Variants in MDN1 observed in about 807,000 individuals in gnomAD.
MDN1 encodes the protein midasin.
Under a neutral mutation model 669.2 loss-of-function variants are expected in MDN1, and 266 were observed. The ratio of observed to expected loss-of-function variants is 0.40; its 90% CI spans 0.36 to 0.44. MDN1 has a LOEUF of 0.44. Ranked by LOEUF, MDN1 falls within the 20% of genes least tolerant of loss-of-function variation. MDN1 has a pLI of 1.00. For missense variants in MDN1, 5,940 were observed against 6,754.0 expected, an observed-to-expected ratio of 0.88 and a Z score of 4.22; for synonymous variants, 2,385 against 2,457.1, an observed-to-expected ratio of 0.97 and a Z score of 0.87.
chr6:89,746,020 C>T (rs888102817), intron 27 of MDN1, among the ~76,000 whole-genome samples: 2 of 152,200 alleles, frequency 1.3e-5, no homozygotes, highest in African/African-American at 2.4e-5. Context: ...CACATAATGG[C>T]ATGACTGAAT....
chr6:89,670,159 TATATATA>T (rs1224030116), intron 83 of MDN1, among the ~76,000 whole-genome samples: 6 of 25,284 alleles, frequency 2.4e-4, no homozygotes, highest in East Asian at 3.1e-3. Context: ...TATATATATA[TATATATA>T]TATATTTTTT....
chr6:89,713,343 C>A (rs1562127666), intron 46 of MDN1, 47 bp from the exon 47 acceptor site: 1 of 1,504,080 alleles, frequency 6.6e-7, no homozygotes, highest in Non-Finnish European at 9.0e-7. Context: ...TCTTTAAAAT[C>A]TCCAATGAAA....
At chr6:89,800,814 T>C (rs1767603233) in intron 2 of MDN1, among the ~76,000 whole-genome samples, 1 of 152,124 alleles carries the variant, frequency 6.6e-6, no homozygotes, top group Admixed American at 6.6e-5. Flanking sequence ...CTTGTGGGAC[T>C]GAATCTTTAA....
chr6:89,670,166 A>AT (rs1482501704), intron 83 of MDN1, among the ~76,000 whole-genome samples: 1,354 of 17,294 alleles, frequency 0.078, 27 homozygotes, highest in Non-Finnish European at 0.098. Flanking sequence ...ATATATATAT[A>AT]TATATTTTTT....
At chr6:89,799,217 C>T (rs1355439680) in intron 2 of MDN1, among the ~76,000 whole-genome samples, 1 of 152,194 alleles carries the variant, frequency 6.6e-6, no homozygotes, top group Non-Finnish European at 1.5e-5. Context: ...CACAACAATC[C>T]ATCTGCTATT....
intron 2 of MDN1, among the ~76,000 whole-genome samples, chr6:89,801,080 G>C (rs1260606529): frequency 6.6e-6 from 1 of 152,210 alleles, no homozygotes; most frequent in Non-Finnish European, 1.5e-5. Flanking sequence ...TTAGAAATAA[G>C]GTTACACTCT....
At chr6:89,687,297 A>G (rs750596535) in intron 68 of MDN1, 47 bp downstream of exon 68, 2 of 1,531,042 alleles carry the variant, frequency 1.3e-6, no homozygotes, top group Non-Finnish European at 1.8e-6. Context: ...CCAAAAGACA[A>G]AAGCCCTTAC....
chr6:89,719,762 G>T (rs573192853), intron 40 of MDN1, among the ~76,000 whole-genome samples: 1 of 152,296 alleles, frequency 6.6e-6, no homozygotes, highest in South Asian at 2.1e-4. Context: ...CCCATGGTTG[G>T]TGACCGATTT....
At chr6:89,770,909 G>A (rs997785530) in intron 15 of MDN1, among the ~76,000 whole-genome samples, 4 of 152,100 alleles carry the variant, frequency 2.6e-5, no homozygotes, top group Non-Finnish European at 5.9e-5. Flanking sequence ...GAGAACAAGG[G>A]CCTCAAGTGT....
In MDN1 at chr6:89,723,124, A is replaced by G; in HGVS notation, c.5798T>C (p.Val1933Ala). ...TCCTTTTTGCCCCCATTTCTTCTCA[A>G]CAGTCACTTCATGATCAATCTAGAA... ...FNNQIDHEVTVEKKWGQKGGP... is the reference protein window; with the variant it reads ...FNNQIDHEVTAEKKWGQKGGP... Residue 1933 changes from valine to alanine, a missense_variant, in exon 40 of 102, where the codon GTT (valine) becomes GCT (alanine). Val to Ala is a moderately conservative substitution (Grantham distance 64, BLOSUM62 0). Around this residue, in one of 5 missense-constraint regions of MDN1, gnomAD observed 2,292 missense variants for 2,638.3 expected, o/e 0.87. Coordinates refer to ENST00000369393, the MANE Select transcript of MDN1 (RefSeq NM_014611.3). The G allele has an allele frequency of 1.2e-6, 2 of 1,614,046 alleles. No homozygotes were observed. The highest frequency in any genetic ancestry group is 1.7e-6 in the Non-Finnish European group (2 of 1,179,948).
chr6:89,729,678 T>G (rs1215702750), intron 35 of MDN1, among the ~76,000 whole-genome samples: 2 of 62,656 alleles, frequency 3.2e-5, no homozygotes, highest in South Asian at 6.5e-4. Context: ...TTTGTTTTCG[T>G]TTTTTTTTTT....
In MDN1 at chr6:89,723,141, A is replaced by C. The variant is rs777162007; in HGVS notation, c.5781T>G (p.Ile1927Met). 3 of 1,613,808 alleles carry C rather than the reference A, an allele frequency of 1.9e-6. No individual in the cohort carries two copies. In the East Asian group the frequency reaches 6.7e-5, roughly 36 times the overall value. Residue 1927 changes from isoleucine to methionine, a missense_variant and splice_region_variant, in exon 40 of 102, where the codon ATT becomes ATG. Transcript: ENST00000369393. ...TCTTCTCAACAGTCACTTCATGATC[A>C]ATCTAGAAAGAAAACATCCTGATTG... ...VKKMVAFNNQ[I>M]DHEVTVEKKW...
chr6:89,663,357 C>T (rs1273869931), intron 85 of MDN1, among the ~76,000 whole-genome samples: 2 of 152,142 alleles, frequency 1.3e-5, no homozygotes, highest in East Asian at 3.9e-4. Flanking sequence ...TTTTTTCCAA[C>T]ACCTAAAATC....
At chr6:89,800,256 C>T (rs1019931062) in intron 2 of MDN1, among the ~76,000 whole-genome samples, 2 of 151,940 alleles carry the variant, frequency 1.3e-5, no homozygotes, top group African/African-American at 2.4e-5. Flanking sequence ...GGAGAAACCC[C>T]GTCTCTACTA....
chr6:89,651,086 C>T (rs1808821310), intron 95 of MDN1, among the ~76,000 whole-genome samples: 2 of 150,780 alleles, frequency 1.3e-5, no homozygotes, highest in African/African-American at 2.4e-5. Context: ...GAGGCCGAGG[C>T]GGGTGGATCA....
chr6:89,745,515 T>C lies in MDN1; in HGVS notation c.4016A>G (p.Lys1339Arg). 1 of 1,614,132 alleles carries C rather than the reference T, an allele frequency of 6.2e-7. No individual in the cohort carries two copies. The highest frequency in any genetic ancestry group is 8.5e-7 in the Non-Finnish European group (1 of 1,179,998). ...KKLCPQSLFS[K>R]ENVLKLLGKL... Reference sequence around the variant, plus strand: ...ACCCAGCAATTTTAGAACATTTTCTTTGGAGAAAAGAGATTGAGGACACAA... The same window carrying C: ...ACCCAGCAATTTTAGAACATTTTCTCTGGAGAAAAGAGATTGAGGACACAA... The change falls in exon 28 of 102, where the codon AAA becomes AGA. Residue 1339 changes from lysine (K) to arginine (R), a missense_variant. By Grantham distance (26) the Lys-to-Arg change is conservative. Around this residue, in one of 5 missense-constraint regions of MDN1, gnomAD observed 2,292 missense variants for 2,638.3 expected, o/e 0.87. Coordinates refer to ENST00000369393, the MANE Select transcript of MDN1 (RefSeq NM_014611.3).
intron 9 of MDN1, 83 bp from the exon 10 acceptor site, chr6:89,781,675 A>C: frequency 8.1e-7 from 1 of 1,237,462 alleles, no homozygotes; most frequent in Non-Finnish European, 1.1e-6. Context: ...GAAACTGGTC[A>C]GCCAAAAATT....
In MDN1 at chr6:89,798,626, C is replaced by T. The variant is rs77393862; in HGVS notation, c.330-3825G>A. On this transcript the variant is annotated intron_variant, in intron 2 of 101. Transcript: ENST00000369393. The stretch of plus-strand genomic sequence containing the variant: ...ATTTTTGAAAATAATTTAGCGCAAG[C>T]TAAAAATAAACAAAAAATAAATACA... Among the ~76,000 whole-genome samples the T allele has an allele frequency of 4.8e-3, 726 of 152,062 alleles. 9 individuals carry two copies. Among genetic ancestry groups the T allele is most frequent in the African/African-American group, 0.017 (697 of 41,464 alleles).
At chr6:89,806,819 T>C (rs1768056475) in intron 1 of MDN1, among the ~76,000 whole-genome samples, 1 of 151,390 alleles carries the variant, frequency 6.6e-6, no homozygotes. Context: ...CTCTGGAGAG[T>C]GAGGAGAGGA....
Sources: allele counts gnomAD v4.1 joint callset (sites outside exome capture counted in the v4.1 genomes callset), GRCh38; gene constraint gnomAD v4.1.1; regional missense constraint gnomAD v4.1.1; transcripts MANE v1.5; gene names NCBI Gene and HGNC (gene_info 2026-07-23, HGNC 2026-07-21).